Variants in SIMC1 observed in about 807,000 individuals in gnomAD.
SIMC1 encodes the protein SUMO-interacting motif-containing protein 1.
Under a neutral mutation model 82.3 loss-of-function variants are expected in SIMC1, and 55 were observed. That is an observed-to-expected ratio of 0.67 (90% CI 0.54 to 0.84). The LOEUF (loss-of-function observed/expected upper bound fraction) is 0.84, where lower values mean the gene tolerates loss of function less well. Ranked by LOEUF, SIMC1 falls within the 40% of genes least tolerant of loss-of-function variation. The probability of loss-of-function intolerance (pLI) is 0.00; values close to 1 mark genes in which losing one functional copy is unlikely to be tolerated. For missense variants in SIMC1, 915 were observed against 1,107.2 expected (o/e 0.83, Z 2.46); for synonymous variants, 353 against 426.3 (o/e 0.83, Z 2.12).
At chr5:176,254,349 A>G (rs1388522831) in intron 1 of SIMC1, among the ~76,000 whole-genome samples, 1 of 152,004 alleles carries the variant, frequency 6.6e-6, no homozygotes, top group African/African-American at 2.4e-5. Context: ...AGCTGTCTGC[A>G]GCATGAAAAT....
chr5:176,269,476 T>C (rs1481863089), intron 1 of SIMC1, among the ~76,000 whole-genome samples: 2 of 152,252 alleles, frequency 1.3e-5, no homozygotes, highest in Non-Finnish European at 2.9e-5. Flanking sequence ...AGAAGGCAGA[T>C]AAAATATTAA....
At chr5:176,307,491 C>T (rs576663284) in intron 4 of SIMC1, among the ~76,000 whole-genome samples, 2 of 152,316 alleles carry the variant, frequency 1.3e-5, no homozygotes, top group South Asian at 4.1e-4. Context: ...AGCTCTGCCT[C>T]CTGGGTTCAC....
chr5:176,329,260 A>T (rs1036192325), intron 7 of SIMC1, among the ~76,000 whole-genome samples: 3 of 151,564 alleles, frequency 2.0e-5, no homozygotes, highest in African/African-American at 7.2e-5. Flanking sequence ...TCACGAGGTC[A>T]GGAGATCAAG....
intron 7 of SIMC1, among the ~76,000 whole-genome samples, chr5:176,334,990 C>T (rs1765820543): frequency 1.3e-5 from 2 of 150,956 alleles, no homozygotes; most frequent in Non-Finnish European, 2.9e-5. Context: ...GCTCAGGAGG[C>T]TGAGGTAGGA....
chr5:176,243,305 CA>C (rs1218025619), intron 1 of SIMC1, among the ~76,000 whole-genome samples: 1 of 151,908 alleles, frequency 6.6e-6, no homozygotes, highest in African/African-American at 2.4e-5. Flanking sequence ...ACAACAAAAC[CA>C]AAAGTTTGGA....
At position 176,240,426 on chromosome 5, in the gene SIMC1, G is replaced by A. The variant is rs1581208332; in HGVS notation, c.129+1789G>A. Among the ~76,000 whole-genome samples the A allele has an allele frequency of 5.9e-5, 6 of 102,154 alleles. No individual in the cohort carries two copies. The South Asian group carries it at 1.9e-3, about 32-fold the overall frequency. 67.0% of individuals were successfully genotyped at this position (102,154 alleles called of 152,430 possible). The stretch of plus-strand genomic sequence containing the variant: ...CAGTCTTTTGTGGTCTTTCACATAC[G>A]TACATGGGCGTAGTCTCTCACTGTT... On this transcript the variant is annotated intron_variant, in intron 1 of 9. Transcript: ENST00000429602.
chr5:176,313,520 C>T, intron 4 of SIMC1, 171 bp from the exon 5 acceptor site: 2 of 1,555,342 alleles, frequency 1.3e-6, no homozygotes, highest in Middle Eastern at 1.7e-4. Context: ...TATTTGTCCT[C>T]TCTCATAATG....
At chr5:176,296,420 T>C in intron 4 of SIMC1, 100 bp downstream of exon 4, 1 of 1,587,298 alleles carries the variant, frequency 6.3e-7, no homozygotes. Flanking sequence ...TCCCAGCATT[T>C]TGGGAGGCCG....
chr5:176,325,145 C>T (rs1765323136), intron 7 of SIMC1, among the ~76,000 whole-genome samples: 1 of 152,112 alleles, frequency 6.6e-6, no homozygotes, highest in East Asian at 1.9e-4. Context: ...TTTGGGAGGA[C>T]TAGGACTAGG....
intron 4 of SIMC1, 91 bp downstream of exon 4, chr5:176,296,411 C>G (rs1763818479): frequency 3.8e-6 from 6 of 1,599,442 alleles, no homozygotes; most frequent in Non-Finnish European, 5.1e-6. Flanking sequence ...CACCTGTAAT[C>G]CCAGCATTTT....
chr5:176,266,248 G>A (rs1205139470), intron 1 of SIMC1, among the ~76,000 whole-genome samples: 1 of 152,192 alleles, frequency 6.6e-6, no homozygotes. Flanking sequence ...AGAAAGCTGA[G>A]ATTTTATGAA....
At chr5:176,249,914 C>A (rs1186182660) in intron 1 of SIMC1, among the ~76,000 whole-genome samples, 1 of 147,040 alleles carries the variant, frequency 6.8e-6, no homozygotes, top group African/African-American at 2.5e-5. Flanking sequence ...TGTCTCTTAT[C>A]TCCTTCAGTT....
chr5:176,290,575 C>T lies in SIMC1; in HGVS notation c.1051C>T (p.His351Tyr). The change falls in exon 2 of 10, where the codon CAC becomes TAC. Residue 351 changes from histidine (H) to tyrosine (Y), a missense_variant. By Grantham distance (83) the His-to-Tyr change is moderately conservative. Around this residue, in one of 2 missense-constraint regions of SIMC1, gnomAD observed 902 missense variants for 1,040.3 expected, o/e 0.87. Transcript: ENST00000429602. ...GTTACATTCACCTGGAGACATGCCA[C>T]ACTCATCAGGGGACGTGACACACTC... ...DVLHSPGDMP[H>Y]SSGDVTHSPR... 14 of 1,613,964 alleles carry T rather than the reference C, an allele frequency of 8.7e-6. No individual in the cohort carries two copies. The highest frequency in any genetic ancestry group is 1.2e-5 in the Non-Finnish European group (14 of 1,179,884).
intron 5 of SIMC1, 61 bp from the exon 6 acceptor site, chr5:176,322,212 A>AT (rs796958633): frequency 0.016 from 19,227 of 1,240,392 alleles, no homozygotes; most frequent in South Asian, 0.021. Flanking sequence ...TTCTTTCTTT[A>AT]TTTTTTTTTT....
At chr5:176,329,996 A>G (rs1290869009) in intron 7 of SIMC1, among the ~76,000 whole-genome samples, 6 of 152,222 alleles carry the variant, frequency 3.9e-5, no homozygotes, top group African/African-American at 1.4e-4. Context: ...GTGTATTCAT[A>G]CATATGTTTC....
intron 2 of SIMC1, among the ~76,000 whole-genome samples, chr5:176,291,359 T>C (rs1763560008): frequency 1.7e-5 from 2 of 114,762 alleles, no homozygotes; most frequent in African/African-American, 3.3e-5. Context: ...TTTTTTGAGA[T>C]GGAGTCTCGC....
Position 176,345,363 on chromosome 5 carries a change from A to G in SIMC1, c.2594A>G (p.His865Arg), listed in dbSNP as rs150651239. The part of the protein sequence containing the change: ...PLVPQLQDKV[H>R]LLKLLLFYAA... ...GTCCCCCAACTCCAAGACAAAGTGCACTTGTTGAAGCTCCTGCTCTTCTAT... is the reference window on the plus strand; with the variant it reads ...GTCCCCCAACTCCAAGACAAAGTGCGCTTGTTGAAGCTCCTGCTCTTCTAT... The change falls in exon 10 of 10, where the codon CAC becomes CGC. Residue 865 changes from histidine (H) to arginine (R), a missense_variant. Physicochemically the swap from His to Arg is conservative, Grantham distance 29. This residue lies in a region of SIMC1 where 902 missense variants were observed against 1,040.3 expected (regional missense o/e 0.87). Transcript: ENST00000429602. 1.1e-5 allele frequency: 17 copies of G among 1,613,844 alleles called. No homozygotes were observed. The African/African-American group carries it at 1.9e-4, about 18-fold the overall frequency.
chr5:176,324,593 C>A (rs1385317539), intron 6 of SIMC1, 36 bp from the exon 7 acceptor site: 2 of 1,602,980 alleles, frequency 1.2e-6, no homozygotes, highest in African/African-American at 2.7e-5. Flanking sequence ...CTTGCCAGAC[C>A]CTCACACTCA....
At position 176,290,629 on chromosome 5, in the gene SIMC1, G is replaced by A. The variant is rs372748086; in HGVS notation, c.1105G>A (p.Asp369Asn). Residue 369 changes from aspartate to asparagine, a missense_variant, in exon 2 of 10, where the codon GAC becomes AAC. Around this residue, in one of 2 missense-constraint regions of SIMC1, gnomAD observed 902 missense variants for 1,040.3 expected, o/e 0.87. Transcript: ENST00000429602. ...TAGAGACATCCCTCACTTACCAGGA[G>A]ACAGGCCTGACTTTACCCAGAATGA... ...SPRDIPHLPG[D>N]RPDFTQNDVQ... The A allele has an allele frequency of 1.4e-5, 23 of 1,613,848 alleles. No homozygotes were observed. Among genetic ancestry groups the A allele is most frequent in the Non-Finnish European group, 1.8e-5 (21 of 1,179,900 alleles).
Sources: gnomAD v4.1 joint callset for allele counts (sites outside exome capture counted in the v4.1 genomes callset) on GRCh38, gnomAD v4.1.1 for gene constraint, gnomAD v4.1.1 regional missense constraint, MANE v1.5 for transcripts, NCBI Gene and HGNC (gene_info 2026-07-23, HGNC 2026-07-21) for gene names.